LARP1B: variants seen among roughly 807,000 people sequenced by gnomAD.
LARP1B encodes the protein La ribonucleoprotein 1B.
LARP1B carries 76 observed loss-of-function variants against 114.2 expected under a neutral mutation model. The ratio of observed to expected loss-of-function variants is 0.67; its 90% confidence interval spans 0.55 to 0.81. LARP1B has a LOEUF of 0.81. Ranked by LOEUF, LARP1B falls within the 30% of genes least tolerant of loss-of-function variation. LARP1B has a pLI of 0.00. For synonymous variants in LARP1B, 345 were observed against 348.0 expected, an observed-to-expected ratio of 0.99 and a Z score of 0.10; for missense variants, 1,014 against 1,075.8, an observed-to-expected ratio of 0.94 and a Z score of 0.80.
At chr4:128,098,767 A>ATATATATTTTT (rs1328165907) in intron 8 of LARP1B, among the ~76,000 whole-genome samples, 7 of 35,032 alleles carry the variant, frequency 2.0e-4, no homozygotes, top group African/African-American at 8.8e-4. Context: ...ATATATATAT[A>ATATATATTTTT]TTTTTTTTTT....
In LARP1B at chr4:128,156,461, C is replaced by T. The variant is rs186197320; in HGVS notation, c.1525-5733C>T. Among the ~76,000 whole-genome samples, 204 of 152,216 alleles carry T rather than the reference C, an allele frequency of 1.3e-3. 1 individual carries two copies. The highest frequency in any genetic ancestry group is 2.1e-3 in the Non-Finnish European group (145 of 68,010). On this transcript the variant is annotated intron_variant, in intron 11 of 19. Coordinates refer to ENST00000326639, the MANE Select transcript of LARP1B (RefSeq NM_018078.4). The stretch of plus-strand genomic sequence containing the variant: ...GAGACAAAATATTTCCCATTTCTGC[C>T]GGAGGAATCCTGGAAGCCCAGAGAC...
At chr4:128,114,000 A>T (rs12507742) in intron 9 of LARP1B, among the ~76,000 whole-genome samples, 1 of 151,788 alleles carries the variant, frequency 6.6e-6, no homozygotes, top group African/African-American at 2.4e-5. Flanking sequence ...TGGTCAGGCC[A>T]GTCGACACTT....
At chr4:128,178,068 G>T (rs1178065199) in intron 13 of LARP1B, among the ~76,000 whole-genome samples, 1 of 138,730 alleles carries the variant, frequency 7.2e-6, no homozygotes, top group Non-Finnish European at 1.6e-5. Context: ...ATAGCATTAT[G>T]TTACATAAAG....
At position 128,150,292 on chromosome 4, in the gene LARP1B, CTT is replaced by C. The variant is rs5861846; in HGVS notation, c.1525-11887_1525-11886del. Reference sequence around the variant, plus strand: ...TCTCAACTATAGCTTTAATTTTTTTCTTTTTTTTTTTTTTTTCAGACAGGGTC... The same window carrying C: ...TCTCAACTATAGCTTTAATTTTTTTCTTTTTTTTTTTTTTCAGACAGGGTC... On this transcript the variant is annotated intron_variant, in intron 11 of 19. Transcript: ENST00000326639. 4.6e-3 allele frequency among the ~76,000 whole-genome samples: 624 copies of C among 134,960 alleles called. 1 individual carries two copies. Among genetic ancestry groups the C allele is most frequent in the African/African-American group, 0.011 (412 of 35,886 alleles). 88.5% of individuals were successfully genotyped at this position (134,960 alleles called of 152,430 possible). A position where few individuals can be genotyped will look rare whatever the true frequency, so the allele number is the denominator to read the frequency against.
intron 13 of LARP1B, among the ~76,000 whole-genome samples, chr4:128,177,165 G>A (rs1165951724): frequency 1.3e-5 from 2 of 152,130 alleles, no homozygotes; most frequent in Non-Finnish European, 2.9e-5. Flanking sequence ...GGGAAACACT[G>A]AAGGATGTTA....
chr4:128,121,721 TTG>T (rs1463792793), intron 10 of LARP1B, 103 bp from the exon 11 acceptor site: 2 of 735,798 alleles, frequency 2.7e-6, no homozygotes, highest in Non-Finnish European at 4.2e-6. Context: ...AAACTAGCAA[TTG>T]AGCATAAAAG....
At chr4:128,161,293 C>A (rs1246202394) in intron 11 of LARP1B, among the ~76,000 whole-genome samples, 3 of 152,120 alleles carry the variant, frequency 2.0e-5, no homozygotes, top group African/African-American at 7.2e-5. Context: ...GACCTCTACC[C>A]TCTGTAATGC....
chr4:128,188,262 A>G (rs1330347571), intron 15 of LARP1B, among the ~76,000 whole-genome samples: 1 of 151,832 alleles, frequency 6.6e-6, no homozygotes, highest in Non-Finnish European at 1.5e-5. Context: ...TTTAGTAGAG[A>G]TGGGGTTTCT....
intron 8 of LARP1B, among the ~76,000 whole-genome samples, chr4:128,100,493 T>G (rs1003961728): frequency 6.6e-6 from 1 of 151,074 alleles, no homozygotes; most frequent in Non-Finnish European, 1.5e-5. Flanking sequence ...AGGATGGTCT[T>G]GATCTTTTGA....
chr4:128,065,259 T>TTCTTTCTC (rs1202340485), intron 1 of LARP1B, among the ~76,000 whole-genome samples: 8 of 68,532 alleles, frequency 1.2e-4, no homozygotes, highest in Non-Finnish European at 2.5e-4. Flanking sequence ...ATTAATTTCT[T>TTCTTTCTC]TCTTTCTTTC....
intron 11 of LARP1B, among the ~76,000 whole-genome samples, chr4:128,128,905 C>T (rs1439588098): frequency 6.6e-6 from 1 of 152,112 alleles, no homozygotes; most frequent in Non-Finnish European, 1.5e-5. Flanking sequence ...TGGCTCACGC[C>T]TGTAATCCCA....
At chr4:128,136,342 CA>C (rs1314775070) in intron 11 of LARP1B, among the ~76,000 whole-genome samples, 1 of 148,278 alleles carries the variant, frequency 6.7e-6, no homozygotes, top group Non-Finnish European at 1.5e-5. Flanking sequence ...AAAAACAAAA[CA>C]AAAAACAAAA....
chr4:128,206,382 T>C (rs1160953270), intron 17 of LARP1B, 46 bp from the exon 18 acceptor site: 2 of 1,121,346 alleles, frequency 1.8e-6, no homozygotes, highest in Admixed American at 2.3e-5. Context: ...TTACTAACTA[T>C]AGAGATATTG....
intron 11 of LARP1B, chr4:128,156,031 C>T: frequency 1.3e-6 from 2 of 1,575,108 alleles, no homozygotes; most frequent in Non-Finnish European, 1.7e-6. Context: ...ACCTGCGGCA[C>T]TGCACACCCC....
chr4:128,116,683 C>T (rs746777756), intron 10 of LARP1B, among the ~76,000 whole-genome samples: 2 of 151,978 alleles, frequency 1.3e-5, no homozygotes, highest in African/African-American at 2.4e-5. Context: ...TTCTGGGGGC[C>T]TAGATATTTC....
intron 1 of LARP1B, among the ~76,000 whole-genome samples, chr4:128,062,760 A>G (rs1760748191): frequency 8.5e-6 from 1 of 117,162 alleles, no homozygotes; most frequent in Non-Finnish European, 1.6e-5. Flanking sequence ...TGGTTTTTAA[A>G]GTGCTTTATG....
chr4:128,069,470 G>A, intron 1 of LARP1B: 1 of 756,306 alleles, frequency 1.3e-6, no homozygotes, highest in East Asian at 2.4e-5. Context: ...GGTTGGCCTT[G>A]TAGCCCAGCT....
rs148967698 is a variant in LARP1B, at chr4:128,107,363, C to A, written c.988+50C>A. 10 of 1,594,094 alleles carry A rather than the reference C, an allele frequency of 6.3e-6. No individual in the cohort carries two copies. In the East Asian group the frequency reaches 2.0e-4, roughly 32 times the overall value. On this transcript the variant is annotated intron_variant, in intron 9 of 19. Transcript: ENST00000326639. The stretch of plus-strand genomic sequence containing the variant: ...ACGATGTAACAGTGGGTTATTTGGT[C>A]CAATTTACTTACTTATTTATTTATT...
intron 8 of LARP1B, 98 bp downstream of exon 8, chr4:128,098,428 G>T (rs1778836630): frequency 1.0e-6 from 1 of 965,500 alleles, no homozygotes; most frequent in African/African-American, 1.6e-5. Context: ...CAGACAATCT[G>T]TAGTTGCTTG....
Sources: gnomAD v4.1 joint callset for allele counts (sites outside exome capture counted in the v4.1 genomes callset) on GRCh38, gnomAD v4.1.1 for gene constraint, MANE v1.5 for transcripts, NCBI Gene and HGNC (gene_info 2026-07-23, HGNC 2026-07-21) for gene names.